Variants in SH3TC1 observed in about 807,000 individuals in gnomAD.
SH3TC1 encodes the protein SH3 domain and tetratricopeptide repeat-containing protein 1.
A neutral mutation model predicts 117.3 loss-of-function variants in SH3TC1; 135 were observed. The ratio of observed to expected loss-of-function variants is 1.15; its 90% CI spans 1.00 to 1.33. SH3TC1 has a LOEUF of 1.33. Ranked by LOEUF, SH3TC1 falls within the 40% of genes most tolerant of loss-of-function variation. The pLI, the probability that SH3TC1 is intolerant of heterozygous loss-of-function variation, is 0.00. For synonymous variants in SH3TC1, 898 were observed against 816.9 expected (o/e 1.10, Z -1.69); for missense variants, 2,092 against 1,794.3 (o/e 1.17, Z -3.00).
intron 17 of SH3TC1, 42 bp downstream of exon 17, chr4:8,237,712 T>A (rs758006822): frequency 3.9e-6 from 6 of 1,541,214 alleles, no homozygotes; most frequent in Middle Eastern, 1.8e-4. Flanking sequence ...CCCGGCCCCC[T>A]TGGAGTGGGA....
At position 8,217,104 on chromosome 4, in the gene SH3TC1, C is replaced by A. The variant is rs747963039; in HGVS notation, c.776C>A (p.Pro259His). ...APETDSSPPS[P>H]SVSSEEVAVA... ...GAAACAGACTCTTCACCGCCGAGCC[C>A]CAGCGTGTCCTCCGAGGAGGTGGCA... is the stretch of plus-strand genomic sequence containing the variant. Residue 259 changes from proline (P) to histidine (H), a missense_variant, in exon 7 of 18, where the codon CCC (proline) becomes CAC (histidine). Physicochemically the swap from Pro to His is moderately conservative, Grantham distance 77 (BLOSUM62 -2). Coordinates refer to ENST00000245105, the MANE Select transcript of SH3TC1 (RefSeq NM_018986.5). The A allele has an allele frequency of 4.0e-5, 64 of 1,613,604 alleles. No individual in the cohort carries two copies. The highest frequency in any genetic ancestry group is 5.4e-5 in the Non-Finnish European group (64 of 1,179,914).
intron 9 of SH3TC1, among the ~76,000 whole-genome samples, chr4:8,222,456 C>T (rs1366142275): frequency 7.3e-6 from 1 of 136,914 alleles, no homozygotes; most frequent in African/African-American, 2.7e-5. Context: ...TCACTGCAAC[C>T]TCTTCCTCCT....
intron 7 of SH3TC1, 36 bp downstream of exon 7, chr4:8,217,203 G>A (rs964595596): frequency 1.3e-6 from 2 of 1,562,584 alleles, no homozygotes; most frequent in East Asian, 2.4e-5. Flanking sequence ...AGAGCTGTTG[G>A]CCTCGCTGAG....
chr4:8,210,635 T>TA lies in SH3TC1; in HGVS notation c.247+813_247+814insA, dbSNP rs1718579456. Among the ~76,000 whole-genome samples, 1 of 150,680 alleles carries TA rather than the reference T, an allele frequency of 6.6e-6. No homozygotes were observed. The highest frequency in any genetic ancestry group is 2.1e-4 in the South Asian group (1 of 4,770). ...AAAAATACAAAAATTAGCTGGCGCA[T>TA]GCCTGTAATCCCAGCTATTTGGGAG... is the stretch of plus-strand genomic sequence containing the variant. On this transcript the variant is annotated intron_variant, in intron 3 of 17. Transcript: ENST00000245105. The surrounding 1 kb of genome is among the most constrained non-coding windows in gnomAD (Gnocchi z 4.1).
chr4:8,198,903 A>G (rs1717656024), upstream of SH3TC1, among the ~76,000 whole-genome samples: 1 of 152,132 alleles, frequency 6.6e-6, no homozygotes, highest in Non-Finnish European at 1.5e-5. Context: ...CTGCATGCAC[A>G]TGCGTGTGTG....
At chr4:8,185,107 G>T (rs988480406) in intron 1 of SH3TC1, among the ~76,000 whole-genome samples, 2 of 151,448 alleles carry the variant, frequency 1.3e-5, no homozygotes, top group African/African-American at 2.4e-5. Context: ...AGGCTGAGGC[G>T]GGTGGATCAC....
intron 1 of SH3TC1, among the ~76,000 whole-genome samples, chr4:8,193,730 G>T (rs917627608): frequency 3.3e-5 from 5 of 152,174 alleles, no homozygotes; most frequent in African/African-American, 1.2e-4. Flanking sequence ...ATCGCCAGTG[G>T]CAGGTGGGGC....
intron 15 of SH3TC1, chr4:8,235,941 C>A: frequency 2.7e-6 from 1 of 376,618 alleles, no homozygotes; most frequent in Non-Finnish European, 4.8e-6. Flanking sequence ...GACGGCTTCC[C>A]CCTTCCTCTG....
In SH3TC1 at chr4:8,222,857, T is replaced by C; in HGVS notation, c.1130T>C (p.Phe377Ser). 1 of 1,611,940 alleles carries C rather than the reference T, an allele frequency of 6.2e-7. No homozygotes were observed. ...TTTTCCAGGTTGGAAAGTGCGATTT[T>C]TCTCAATGAGGAAGAAAAGTCATTC... is the stretch of plus-strand genomic sequence containing the variant. The part of the protein sequence containing the change: ...GPVSELESAI[F>S]LNEEEKSFFS... The change falls in exon 10 of 18, where the codon TTT (phenylalanine) becomes TCT (serine). Residue 377 changes from phenylalanine to serine, a missense_variant. Physicochemically the swap from Phe to Ser is radical, Grantham distance 155. Transcript: ENST00000245105.
chr4:8,191,683 G>C lies in SH3TC1; in HGVS notation c.-57+9473G>C, dbSNP rs79098268. ...CCCGGATACACCCGTCCTCAAACTT[G>C]GGTGCGCAGAGGAATCAACTCAGGA... On this transcript the variant is annotated intron_variant, in intron 1 of 16. Coordinates refer to the SH3TC1 transcript ENST00000508641. Among the ~76,000 whole-genome samples the C allele has an allele frequency of 3.4e-3, 521 of 152,250 alleles. 3 individuals carry two copies. The highest frequency in any genetic ancestry group is 0.012 in the African/African-American group (494 of 41,546).
Position 8,186,365 on chromosome 4 carries a change from G to A in SH3TC1, c.-57+4155G>A, listed in dbSNP as rs1467541911. ...TCTGAAAAACCTTCCCGGCCAAAAGGCACCCCAAAAGACGAGGTGATGAAA... is the reference window on the plus strand; with the variant it reads ...TCTGAAAAACCTTCCCGGCCAAAAGACACCCCAAAAGACGAGGTGATGAAA... On this transcript the variant is annotated intron_variant, in intron 1 of 16. Transcript: ENST00000508641. This position sits in a 1 kb window ranked among gnomAD's most constrained non-coding sequence, Gnocchi z 5.2. Among the ~76,000 whole-genome samples, 2 of 152,154 alleles carry A rather than the reference G, an allele frequency of 1.3e-5. No individual in the cohort carries two copies. The highest frequency in any genetic ancestry group is 2.4e-5 in the African/African-American group (1 of 41,428).
At chr4:8,185,308 C>G (rs1352299859) in intron 1 of SH3TC1, among the ~76,000 whole-genome samples, 2 of 151,994 alleles carry the variant, frequency 1.3e-5, no homozygotes, top group African/African-American at 4.8e-5. Context: ...TACACTACAG[C>G]CTGGGCAACA....
chr4:8,197,249 C>T (rs989478968), upstream of SH3TC1, among the ~76,000 whole-genome samples: 4 of 152,130 alleles, frequency 2.6e-5, no homozygotes, highest in South Asian at 2.1e-4. Context: ...GAAGAGGCCT[C>T]CCCTGGAGCT....
chr4:8,205,833 G>A lies in SH3TC1; in HGVS notation c.172+467G>A, dbSNP rs1221596856. On this transcript the variant is annotated intron_variant, in intron 2 of 17. Transcript: ENST00000245105. This position sits in a 1 kb window ranked among gnomAD's most constrained non-coding sequence, Gnocchi z 5.4. ...CGTGTGCCCAGTTTCCTGAATTCCC[G>A]GGAGACCTGAAGAGTGACCTAGGTG... The A allele has an allele frequency of 1.0e-5, 6 of 596,326 alleles. No individual in the cohort carries two copies. The highest frequency in any genetic ancestry group is 4.0e-5 in the South Asian group (2 of 49,400). 36.9% of individuals were successfully genotyped at this position (596,326 alleles called of 1,614,324 possible).
chr4:8,221,032 G>T (rs1395022169), intron 9 of SH3TC1, among the ~76,000 whole-genome samples: 1 of 152,196 alleles, frequency 6.6e-6, no homozygotes, highest in African/African-American at 2.4e-5. Context: ...CACAAACAAG[G>T]CATCTTTTTC....
At chr4:8,226,558 A>G (rs1048460034) in intron 11 of SH3TC1, among the ~76,000 whole-genome samples, 3 of 152,224 alleles carry the variant, frequency 2.0e-5, no homozygotes, top group African/African-American at 7.2e-5. Context: ...CGAGGGGCCC[A>G]GTATGCTGAC....
Position 8,192,447 on chromosome 4 carries a change from C to CTTTTATTTTAT in SH3TC1, c.-57+10240_-57+10241insTATTTTATTTT, listed in dbSNP as rs1022844300. Among the ~76,000 whole-genome samples, 287 of 138,464 alleles carry CTTTTATTTTAT rather than the reference C, an allele frequency of 2.1e-3. 1 individual carries two copies. The highest frequency in any genetic ancestry group is 7.3e-3 in the African/African-American group (270 of 37,092). 90.8% of individuals were successfully genotyped at this position (138,464 alleles called of 152,430 possible). ...ACAATCTTCTTATCCAACCACTTGT[C>CTTTTATTTTAT]TTTATTTTATTTTATTTTATTTTAT... On this transcript the variant is annotated intron_variant, in intron 1 of 16. Coordinates refer to the SH3TC1 transcript ENST00000508641. The surrounding 1 kb of genome is among the most constrained non-coding windows in gnomAD (Gnocchi z 4.1).
chr4:8,222,359 TG>T (rs1221649658), intron 9 of SH3TC1, among the ~76,000 whole-genome samples: 25 of 131,032 alleles, frequency 1.9e-4, no homozygotes, highest in Middle Eastern at 4.1e-3. Flanking sequence ...GGTCAGGATC[TG>T]GTTTTTTTTT....
At chr4:8,228,822 C>G (rs185464268) in intron 12 of SH3TC1, among the ~76,000 whole-genome samples, 178 bp downstream of exon 12, 2 of 152,264 alleles carry the variant, frequency 1.3e-5, no homozygotes, top group African/African-American at 4.8e-5. Context: ...GGGCCAGGCC[C>G]TCTCTGCCCT....
Sources: allele counts gnomAD v4.1 joint callset (sites outside exome capture counted in the v4.1 genomes callset), GRCh38; gene constraint gnomAD v4.1.1; non-coding constraint Gnocchi (gnomAD v3.1); transcripts MANE v1.5; gene names NCBI Gene and HGNC (gene_info 2026-07-23, HGNC 2026-07-21).